CLCN2: variants seen among roughly 807,000 people sequenced by gnomAD.
The protein encoded by CLCN2 is chloride channel protein 2.
A neutral mutation model predicts 108.3 loss-of-function variants in CLCN2; 72 were observed. That is an observed-to-expected ratio of 0.66 (90% confidence interval 0.55 to 0.81). The LOEUF (loss-of-function observed/expected upper bound fraction) is 0.81. Among genes scored for constraint, CLCN2 ranks in the 30% least tolerant of loss-of-function variants. The probability of loss-of-function intolerance (pLI) is 0.00; values close to 1 mark genes in which losing one functional copy is unlikely to be tolerated. For synonymous variants in CLCN2, 471 were observed against 467.1 expected, an observed-to-expected ratio of 1.01 and a Z score of -0.11; for missense variants, 1,048 against 1,205.2, an observed-to-expected ratio of 0.87 and a Z score of 1.93.
Position 184,357,946 on chromosome 3 carries a change from C to T in CLCN2, c.615+16G>A, listed in dbSNP as rs776037585. 8 of 1,613,928 alleles carry T rather than the reference C, an allele frequency of 5.0e-6. No individual in the cohort carries two copies. In the South Asian group the frequency reaches 6.6e-5, roughly 13 times the overall value. ...TCCACCAGGAGGGACTCCTTCATTC[C>T]CCAGCCTGCAGTTACCTCTTTGCCA... is the stretch of plus-strand genomic sequence containing the variant. On this transcript the variant is annotated intron_variant, in intron 5 of 23. Transcript: ENST00000265593.
rs771316539 is a variant in CLCN2, at chr3:184,346,796, C to T, written c.2507G>A (p.Arg836Gln). The change falls in exon 24 of 24, where the codon CGG (arginine) becomes CAG (glutamine). Residue 836 changes from arginine to glutamine, a missense_variant. Physicochemically the swap from Arg to Gln is conservative, Grantham distance 43 (BLOSUM62 1). Transcript: ENST00000265593. This position sits in a 1 kb window ranked among gnomAD's most constrained non-coding sequence, Gnocchi z 6.0. ...LIGIVTLKEL[R>Q]KAIEGSVTAQ... Reference sequence around the variant, plus strand: ...TGTGACAGAGCCCTCGATGGCCTTCCGGAGCTGGAAAGGTGAGAGGGACAG... The same window carrying T: ...TGTGACAGAGCCCTCGATGGCCTTCTGGAGCTGGAAAGGTGAGAGGGACAG... 1.2e-4 allele frequency: 190 copies of T among 1,613,920 alleles called. 1 individual carries two copies. Among genetic ancestry groups the T allele is most frequent in the Non-Finnish European group, 1.4e-4 (163 of 1,180,016 alleles).
chr3:184,351,159 T>C (rs960115858), intron 22 of CLCN2, among the ~76,000 whole-genome samples: 3 of 152,168 alleles, frequency 2.0e-5, no homozygotes, highest in African/African-American at 7.2e-5. Context: ...TAGGCAGAGC[T>C]TGTGTGTAAG....
At chr3:184,349,603 TAAG>T (rs1038405394) in intron 22 of CLCN2, 1 of 152,210 alleles carries the variant, frequency 6.6e-6, no homozygotes, top group African/African-American at 2.4e-5. Flanking sequence ...TCTCTCAGTA[TAAG>T]TAGTAGGAGT....
At chr3:184,352,156 C>T in intron 21 of CLCN2, 39 bp from the exon 22 acceptor site, 1 of 1,594,840 alleles carries the variant, frequency 6.3e-7, no homozygotes, top group Non-Finnish European at 8.6e-7. Flanking sequence ...GAGAAGGTGC[C>T]TGTAGCTGAC....
At chr3:184,356,331 G>A (rs1404491682) in intron 10 of CLCN2, 7 of 168,808 alleles carry the variant, frequency 4.1e-5, no homozygotes, top group Non-Finnish European at 6.4e-5. Context: ...TGAGAGAGCT[G>A]TGTTCTGGAG....
At position 184,346,584 on chromosome 3, in the gene CLCN2, TC is replaced by T; in HGVS notation, c.*21del. 1 of 1,613,004 alleles carries T rather than the reference TC, an allele frequency of 6.2e-7. No homozygotes were observed. The highest frequency in any genetic ancestry group is 8.5e-7 in the Non-Finnish European group (1 of 1,179,674). ...GGGCTGACGGGCATGGCTAGCACCA[TC>T]CTAGGCCACCCACGAGGGGCTCATT... On this transcript the variant is annotated 3_prime_UTR_variant, in exon 24 of 24. Transcript: ENST00000265593. The surrounding 1 kb of genome is among the most constrained non-coding windows in gnomAD (Gnocchi z 6.0).
rs41266271 is a variant in CLCN2, at chr3:184,358,170, C to T, written c.481+12G>A. On this transcript the variant is annotated intron_variant, in intron 4 of 23. Transcript: ENST00000265593. ...GGTCCCGCCTCTGCCCTCCCCTTCTCTTCTAACATACCGACAGCCTGAGGG... is the reference window on the plus strand; with the variant it reads ...GGTCCCGCCTCTGCCCTCCCCTTCTTTTCTAACATACCGACAGCCTGAGGG... 444,337 of 1,614,044 alleles carry T rather than the reference C, an allele frequency of 0.28. 66,524 individuals carry two copies. Among genetic ancestry groups the T allele is most frequent in the Non-Finnish European group, 0.31 (367,881 of 1,179,960 alleles).
At chr3:184,349,277 TAGTC>T (rs1727922447) in intron 22 of CLCN2, 1 of 152,082 alleles carries the variant, frequency 6.6e-6, no homozygotes, top group Non-Finnish European at 1.5e-5. Flanking sequence ...TATAAAAAAT[TAGTC>T]AGACGTGGTG....
In CLCN2 at chr3:184,353,113, C is replaced by G. The variant is rs111656822; in HGVS notation, c.2063G>C (p.Arg688Pro). The G allele has an allele frequency of 6.8e-6, 11 of 1,614,152 alleles. No homozygotes were observed. Among genetic ancestry groups the G allele is most frequent in the East Asian group, 2.2e-5 (1 of 44,868 alleles). The change falls in exon 18 of 24, where the codon CGG (arginine) becomes CCG (proline). Residue 688 changes from arginine to proline, a missense_variant. By Grantham distance (103) the Arg-to-Pro change is moderately radical. Transcript: ENST00000265593. ...CTTTAGGGGCTTGTGGGTCTCCCCCCGGGCTGCTGGGAAGGCTGAGTCTTC... is the reference window on the plus strand; with the variant it reads ...CTTTAGGGGCTTGTGGGTCTCCCCCGGGGCTGCTGGGAAGGCTGAGTCTTC... ...NTEDSAFPAA[R>P]GETHKPLKPA... is the part of the protein sequence containing the mutation.
Position 184,346,844 on chromosome 3 carries a change from CTCCTCCCCGCCT to C in CLCN2, c.2503-56_2503-45del, listed in dbSNP as rs1727711253. The C allele has an allele frequency of 1.2e-6, 2 of 1,613,260 alleles. No homozygotes were observed. The highest frequency in any genetic ancestry group is 1.1e-5 in the South Asian group (1 of 91,086). On this transcript the variant is annotated intron_variant, in intron 23 of 23. Coordinates refer to ENST00000265593, the MANE Select transcript of CLCN2 (RefSeq NM_004366.6). The surrounding 1 kb of genome is among the most constrained non-coding windows in gnomAD (Gnocchi z 6.0). ...CAGATGTCTGGACCCAGATGTCAGACTCCTCCCCGCCTTCCTCCCCAGGTGAGCTGGACATAA... is the reference window on the plus strand; with the variant it reads ...CAGATGTCTGGACCCAGATGTCAGACTCCTCCCCAGGTGAGCTGGACATAA...
chr3:184,354,958 G>A lies in CLCN2; in HGVS notation c.1342C>T (p.Leu448=). The change falls in exon 13 of 24, where the codon CTG becomes TTG. Residue 448 remains leucine, a synonymous_variant. Coordinates refer to ENST00000265593, the MANE Select transcript of CLCN2 (RefSeq NM_004366.6). The part of the protein sequence containing the change: ...FILMKFWMSA[L]ATTIPVPCGA... ...CAGGGAACTGGGATGGTGGTGGCCA[G>A]TGCAGACATCCAGAACTGCAGGCAG... 6.2e-7 allele frequency: 1 copy of A among 1,613,992 alleles called. No homozygotes were observed. The highest frequency in any genetic ancestry group is 1.3e-5 in the African/African-American group (1 of 75,038).
rs144196318 is a variant in CLCN2 at position 184,353,364 on chromosome 3, G to A, written c.1914C>T (p.Ala638=). Residue 638 remains alanine, a synonymous_variant, in exon 17 of 24, where the codon GCC becomes GCT. Transcript: ENST00000265593. ...GCCGCCGGCGGGCTGGGCTCAGCTG[G>A]GCCCCCAACAATGCCACCACCTGTG... The part of the protein sequence containing the change: ...ERSQVVALLG[A]QLSPARRRQH... The A allele has an allele frequency of 2.5e-6, 4 of 1,613,114 alleles. No individual in the cohort carries two copies. In the Middle Eastern group the frequency reaches 5.0e-4, roughly 200 times the overall value.
intron 16 of CLCN2, 76 bp from the exon 17 acceptor site, chr3:184,353,498 G>T (rs1036565703): frequency 1.9e-6 from 3 of 1,544,978 alleles, no homozygotes; most frequent in Non-Finnish European, 2.6e-6. Flanking sequence ...CACTCAGAGT[G>T]GGGGGCCTTG....
In CLCN2 at chr3:184,361,350, C is replaced by A. The variant is rs1712076930; in HGVS notation, c.63+67G>T. 2 of 1,530,548 alleles carry A rather than the reference C, an allele frequency of 1.3e-6. No homozygotes were observed. The highest frequency in any genetic ancestry group is 1.8e-6 in the Non-Finnish European group (2 of 1,104,654). 94.8% of individuals were successfully genotyped at this position (1,530,548 alleles called of 1,614,324 possible). A position where few individuals can be genotyped will look rare whatever the true frequency, so the allele number is the denominator to read the frequency against. Reference sequence around the variant, plus strand: ...TTAGGGTAGGCCCCTGGTCCTCGCGCTTCCCAGGGTAACCTGGAGCAGGGG... The same window carrying A: ...TTAGGGTAGGCCCCTGGTCCTCGCGATTCCCAGGGTAACCTGGAGCAGGGG... On this transcript the variant is annotated intron_variant, in intron 1 of 23. Transcript: ENST00000265593. The surrounding 1 kb of genome is among the most constrained non-coding windows in gnomAD (Gnocchi z 6.6).
chr3:184,346,797 G>A lies in CLCN2; in HGVS notation c.2506C>T (p.Arg836Trp), dbSNP rs1321914283. The A allele has an allele frequency of 2.5e-6, 4 of 1,614,014 alleles. No individual in the cohort carries two copies. The highest frequency in any genetic ancestry group is 1.1e-5 in the South Asian group (1 of 91,086). Residue 836 changes from arginine to tryptophan, a missense_variant, in exon 24 of 24, where the codon CGG becomes TGG. Physicochemically the swap from Arg to Trp is moderately radical, Grantham distance 101. Coordinates refer to ENST00000265593, the MANE Select transcript of CLCN2 (RefSeq NM_004366.6). The surrounding 1 kb of genome is among the most constrained non-coding windows in gnomAD (Gnocchi z 6.0). ...GTGACAGAGCCCTCGATGGCCTTCC[G>A]GAGCTGGAAAGGTGAGAGGGACAGA... ...LIGIVTLKEL[R>W]KAIEGSVTAQ...
At chr3:184,354,347 G>A in intron 14 of CLCN2, 33 bp from the exon 15 acceptor site, 2 of 1,603,068 alleles carry the variant, frequency 1.2e-6, no homozygotes, top group Non-Finnish European at 1.7e-6. Context: ...TCCTCAGGGT[G>A]CCCAGGTCCC....
Position 184,353,733 on chromosome 3 carries a change from C to T in CLCN2, c.1784G>A (p.Cys595Tyr). 2 of 1,607,952 alleles carry T rather than the reference C, an allele frequency of 1.2e-6. No homozygotes were observed. The highest frequency in any genetic ancestry group is 2.2e-5 in the South Asian group (2 of 89,850). Residue 595 changes from cysteine to tyrosine, a missense_variant, in exon 16 of 24, where the codon TGC becomes TAC. By Grantham distance (194) the Cys-to-Tyr change is radical. Transcript: ENST00000265593. Reference protein sequence around the residue: ...VRDVPHVALSCTFRDLRLALH... With the variant: ...VRDVPHVALSYTFRDLRLALH... ...TGCCAAACGCAGGTCCCGGAAGGTG[C>T]AGCTGAGGGCCACATGGGGAACATC...
intron 10 of CLCN2, 146 bp downstream of exon 10, chr3:184,356,847 T>C (rs1728589937): frequency 1.5e-6 from 1 of 679,102 alleles, no homozygotes; most frequent in South Asian, 1.6e-5. Context: ...ATAAAAATGC[T>C]CAGTCAGCCT....
intron 22 of CLCN2, 31 bp downstream of exon 22, chr3:184,351,982 G>C (rs760733545): frequency 2.0e-6 from 3 of 1,525,880 alleles, no homozygotes; most frequent in Non-Finnish European, 2.7e-6. Context: ...TGAGAGCCTA[G>C]ACCAGCCCTG....
Sources: gnomAD v4.1 joint callset for allele counts (sites outside exome capture counted in the v4.1 genomes callset) on GRCh38, gnomAD v4.1.1 for gene constraint, Gnocchi (gnomAD v3.1) non-coding constraint, MANE v1.5 for transcripts, NCBI Gene and HGNC (gene_info 2026-07-23, HGNC 2026-07-21) for gene names.